Variants in SHF observed in about 807,000 individuals in gnomAD.
SHF encodes Src homology 2 domain containing F.
In SHF, 30 loss-of-function variants were observed where a neutral mutation model predicts 42.4. The observed-to-expected ratio is 0.71, with a 90% CI of 0.53 to 0.96. SHF has a LOEUF of 0.96. SHF is among the 40% of genes least tolerant of loss of function. The probability of loss-of-function intolerance (pLI) is 0.00; values close to 1 mark genes in which losing one functional copy is unlikely to be tolerated. For missense variants in SHF, 598 were observed against 634.0 expected (o/e 0.94, Z 0.61); for synonymous variants, 264 against 269.9 (o/e 0.98, Z 0.21).
In SHF at chr15:45,171,692, A is replaced by G. The variant is rs73425655; in HGVS notation, c.1280+191T>C. The G allele has an allele frequency of 1.0e-2, 6,285 of 631,476 alleles. 350 individuals are homozygous for G. The African/African-American group carries it at 0.11, about 11-fold the overall frequency. 39.1% of individuals were successfully genotyped at this position (631,476 alleles called of 1,614,324 possible). A position where few individuals can be genotyped will look rare whatever the true frequency, so the allele number is the denominator to read the frequency against. On this transcript the variant is annotated intron_variant, in intron 6 of 6. Coordinates refer to ENST00000690270, the MANE Select transcript of SHF (RefSeq NM_001394037.1). ...CCTTCTGAGCTGGATGCTGCGGATC[A>G]ACTATTTCTCCCAATGGACTCTGAG...
chr15:45,178,184 C>T lies in SHF; in HGVS notation c.621G>A (p.Glu207=), dbSNP rs1897926755. The change falls in exon 2 of 7, where the codon GAG becomes GAA. Residue 207 remains glutamate, a synonymous_variant. Coordinates refer to ENST00000690270, the MANE Select transcript of SHF (RefSeq NM_001394037.1). ...ACTCACCGGCCATCATCTTTTGAGC[C>T]TCATAGGGCTCCATGTAGCCATCAT... ...PENDGYMEPY[E]AQKMMAEIRG... The T allele has an allele frequency of 6.2e-7, 1 of 1,613,160 alleles. No individual in the cohort carries two copies. The highest frequency in any genetic ancestry group is 8.5e-7 in the Non-Finnish European group (1 of 1,179,858).
intron 4 of SHF, 102 bp downstream of exon 4, chr15:45,173,474 G>A (rs1897628324): frequency 2.1e-6 from 3 of 1,408,106 alleles, no homozygotes; most frequent in Non-Finnish European, 2.8e-6. Context: ...TTCTTCCTGG[G>A]GTCTCCAAAT....
At chr15:45,181,767 GA>G (rs559081368) in intron 1 of SHF, among the ~76,000 whole-genome samples, 13 of 152,190 alleles carry the variant, frequency 8.5e-5, no homozygotes, top group Non-Finnish European at 1.6e-4. Flanking sequence ...CCAAAGGGAG[GA>G]ATTGTCCGCA....
In SHF at chr15:45,187,745, C is replaced by T; in HGVS notation, c.207G>A (p.Pro69=). 1 of 969,324 alleles carries T rather than the reference C, an allele frequency of 1.0e-6. No individual in the cohort carries two copies. The highest frequency in any genetic ancestry group is 1.3e-6 in the Non-Finnish European group (1 of 754,214). 60.0% of individuals were successfully genotyped at this position (969,324 alleles called of 1,614,324 possible). The part of the protein sequence containing the change: ...GGGGGGGGSK[P]APPEPDYRPP... ...GGCGGTAGTCGGGCTCGGGGGGCGCCGGCTTGCTGCCCCCTCCGCCGCCGC... is the reference window on the plus strand; with the variant it reads ...GGCGGTAGTCGGGCTCGGGGGGCGCTGGCTTGCTGCCCCCTCCGCCGCCGC... Residue 69 remains proline (P), a synonymous_variant, in exon 1 of 7, where the codon CCG becomes CCA. Coordinates refer to ENST00000690270, the MANE Select transcript of SHF (RefSeq NM_001394037.1).
At chr15:45,199,175 C>G (rs1898981126) in intron 1 of SHF, 2 of 1,303,422 alleles carry the variant, frequency 1.5e-6, no homozygotes, top group Non-Finnish European at 2.1e-6. Context: ...CCCCATGTTC[C>G]CAACACCCAC....
intron 1 of SHF, among the ~76,000 whole-genome samples, chr15:45,186,873 G>A (rs573862899): frequency 6.6e-6 from 1 of 152,258 alleles, no homozygotes; most frequent in African/African-American, 2.4e-5. Flanking sequence ...ACAGCCTATA[G>A]GGCAAAGGCC....
At chr15:45,187,235 T>C (rs746379552) in intron 1 of SHF, among the ~76,000 whole-genome samples, 2 of 151,960 alleles carry the variant, frequency 1.3e-5, no homozygotes, top group African/African-American at 2.4e-5. Flanking sequence ...TTACAAAGGA[T>C]AGGGCAGAGG....
chr15:45,168,229 G>T (rs2141327452), intron 6 of SHF, 96 bp from the exon 7 acceptor site: 1 of 1,228,052 alleles, frequency 8.1e-7, no homozygotes, highest in African/African-American at 1.5e-5. Flanking sequence ...AGCAAATGTG[G>T]TGGTTCCGAA....
Position 45,187,905 on chromosome 15 carries a change from C to A in SHF, c.47G>T (p.Arg16Leu). Residue 16 changes from arginine to leucine, a missense_variant, in exon 1 of 7, where the codon CGA (arginine) becomes CTA (leucine). Physicochemically the swap from Arg to Leu is moderately radical, Grantham distance 102 (BLOSUM62 -2). Coordinates refer to ENST00000690270, the MANE Select transcript of SHF (RefSeq NM_001394037.1). Reference protein sequence around the residue: ...APPAGSRPGPRTQGSAGGGPG... With the variant: ...APPAGSRPGPLTQGSAGGGPG... Reference sequence around the variant, plus strand: ...GCCGCCCCCAGCGCTCCCCTGCGTTCGCGGCCCCGGGCGGGAGCCAGCCGG... The same window carrying A: ...GCCGCCCCCAGCGCTCCCCTGCGTTAGCGGCCCCGGGCGGGAGCCAGCCGG... The A allele has an allele frequency of 1.7e-6, 2 of 1,181,612 alleles. No individual in the cohort carries two copies. The highest frequency in any genetic ancestry group is 8.5e-5 in the South Asian group (2 of 23,424). 73.2% of individuals were successfully genotyped at this position (1,181,612 alleles called of 1,614,324 possible).
At position 45,187,440 on chromosome 15, in the gene SHF, G is replaced by A; in HGVS notation, c.498+14C>T. On this transcript the variant is annotated intron_variant, in intron 1 of 6. Transcript: ENST00000690270. ...CCTTCCCTCCTGGCCATCCCGGCCC[G>A]GCGCGGCACTCACCCTATCGCTGCT... The A allele has an allele frequency of 8.1e-7, 1 of 1,232,042 alleles. No individual in the cohort carries two copies. The allele number at this position is 1,232,042 out of a possible 1,614,324, so 76.3% of individuals were successfully genotyped here. A position where few individuals can be genotyped will look rare whatever the true frequency, so the allele number is the denominator to read the frequency against.
In SHF at chr15:45,176,349, G is replaced by A. The variant is rs530672821; in HGVS notation, c.641-924C>T. On this transcript the variant is annotated intron_variant, in intron 2 of 6. Transcript: ENST00000690270. ...TTATTTTGTCCTTCCTGACTATCTC[G>A]AATGCTAATATCTGACCTTCAGTTG... Among the ~76,000 whole-genome samples the A allele has an allele frequency of 4.7e-5, 7 of 149,314 alleles. No individual in the cohort carries two copies. The South Asian group carries it at 8.6e-4, about 18-fold the overall frequency.
chr15:45,199,446 C>A (rs1187391827), intron 1 of SHF, among the ~76,000 whole-genome samples: 2 of 152,200 alleles, frequency 1.3e-5, no homozygotes, highest in African/African-American at 4.8e-5. Context: ...AGAGAGAACA[C>A]CTGTCTCTCC....
rs199854161 is a variant in SHF at position 45,198,920 on chromosome 15, G to A, written c.155C>T (p.Pro52Leu). 16 of 1,613,908 alleles carry A rather than the reference G, an allele frequency of 9.9e-6. No homozygotes were observed. The Admixed American group carries it at 2.7e-4, about 27-fold the overall frequency. Reference sequence around the variant, plus strand: ...CCGGTGAGCGCAGTGGGAGTTTAGGGGAGACGGCGTGAGCATCCAGGAATG... The same window carrying A: ...CCGGTGAGCGCAGTGGGAGTTTAGGAGAGACGGCGTGAGCATCCAGGAATG... Residue 52 changes from proline to leucine, a missense_variant, in exon 2 of 8, where the codon CCC becomes CTC. Coordinates refer to the SHF transcript ENST00000290894.
chr15:45,191,831 G>A (rs544992869), upstream of SHF, among the ~76,000 whole-genome samples: 1 of 151,494 alleles, frequency 6.6e-6, no homozygotes, highest in Admixed American at 6.6e-5. Flanking sequence ...GTTGAAGCCT[G>A]TAATTCCAGC....
At chr15:45,169,855 G>A (rs1020631660) in intron 6 of SHF, among the ~76,000 whole-genome samples, 1 of 152,222 alleles carries the variant, frequency 6.6e-6, no homozygotes, top group Non-Finnish European at 1.5e-5. Flanking sequence ...AGGGTACTGG[G>A]GTTAGGACCA....
intron 4 of SHF, 147 bp from the exon 5 acceptor site, chr15:45,172,465 C>T (rs750564166): frequency 7.6e-5 from 71 of 932,218 alleles, no homozygotes; most frequent in Non-Finnish European, 9.8e-5. Flanking sequence ...GCTGAAGGGC[C>T]TGACTGGCTC....
At position 45,168,058 on chromosome 15, in the gene SHF, C is replaced by T. The variant is rs371507411; in HGVS notation, c.1356G>A (p.Pro452=). Residue 452 remains proline (P), a synonymous_variant, in exon 7 of 7, where the codon CCG becomes CCA. Coordinates refer to ENST00000690270, the MANE Select transcript of SHF (RefSeq NM_001394037.1). ...CAATTTCAGGGACGCTGCTGAAGGG[C>T]GGGCTGTTCTGGCCCAGCACATATT... The part of the protein sequence containing the change: ...EHKYVLGQNS[P]PFSSVPEIVH... 14 of 1,613,468 alleles carry T rather than the reference C, an allele frequency of 8.7e-6. No homozygotes were observed. The African/African-American group carries it at 1.5e-4, about 17-fold the overall frequency.
chr15:45,176,585 T>C (rs1897822448), intron 2 of SHF, among the ~76,000 whole-genome samples: 1 of 152,108 alleles, frequency 6.6e-6, no homozygotes, highest in Admixed American at 6.6e-5. Context: ...TTGAACTGTA[T>C]GCCCAGCCTC....
At chr15:45,178,736 T>C (rs2141375909) in intron 1 of SHF, among the ~76,000 whole-genome samples, 1 of 152,268 alleles carries the variant, frequency 6.6e-6, no homozygotes, top group South Asian at 2.1e-4. Flanking sequence ...GGTTTCACCA[T>C]GTTGGCTAGG....
Sources: allele counts gnomAD v4.1 joint callset (sites outside exome capture counted in the v4.1 genomes callset), GRCh38; gene constraint gnomAD v4.1.1; transcripts MANE v1.5; gene names NCBI Gene and HGNC (gene_info 2026-07-23, HGNC 2026-07-21).